USP15: variants seen among roughly 807,000 people sequenced by gnomAD.
The protein encoded by USP15 is ubiquitin specific peptidase 15.
USP15 carries 18 observed loss-of-function variants against 127.1 expected under a neutral mutation model. The ratio of observed to expected loss-of-function variants is 0.14; its 90% CI spans 0.10 to 0.21. USP15 has a LOEUF of 0.21. Among genes scored for constraint, USP15 ranks in the 10% least tolerant of loss-of-function variants. The pLI is 1.00. For synonymous variants in USP15, 364 were observed against 393.7 expected, an observed-to-expected ratio of 0.92 and a Z score of 0.89; for missense variants, 805 against 1,159.9, an observed-to-expected ratio of 0.69 and a Z score of 4.44.
At chr12:62,290,997 G>A (rs2063948771) in intron 1 of USP15, among the ~76,000 whole-genome samples, 1 of 152,018 alleles carries the variant, frequency 6.6e-6, no homozygotes, top group Non-Finnish European at 1.5e-5. Flanking sequence ...TTAGTCTGAT[G>A]GAGTTTCCTT....
intron 7 of USP15, among the ~76,000 whole-genome samples, chr12:62,351,360 C>A (rs2065962320): frequency 6.7e-6 from 1 of 150,196 alleles, no homozygotes; most frequent in African/African-American, 2.5e-5. Context: ...AGTAAACTTA[C>A]CAAAAGTCAT....
chr12:62,375,863 A>T (rs979339119), intron 8 of USP15, among the ~76,000 whole-genome samples: 4 of 152,300 alleles, frequency 2.6e-5, no homozygotes, highest in Non-Finnish European at 5.9e-5. Flanking sequence ...GTCATTTCTC[A>T]CTAAATAATT....
intron 1 of USP15, among the ~76,000 whole-genome samples, chr12:62,278,345 CTAAAA>C (rs1167803857): frequency 1.8e-4 from 28 of 152,188 alleles, no homozygotes; most frequent in Admixed American, 8.5e-4. Context: ...GGAGCACACT[CTAAAA>C]TAACGATTAT....
At chr12:62,303,724 G>T (rs2064392386) in intron 3 of USP15, 1 of 152,032 alleles carries the variant, frequency 6.6e-6, no homozygotes, top group Admixed American at 6.6e-5. Flanking sequence ...CTACAAAGTT[G>T]CCATGTTAAC....
At chr12:62,392,695 G>T (rs545661886) in intron 18 of USP15, among the ~76,000 whole-genome samples, 3 of 152,072 alleles carry the variant, frequency 2.0e-5, no homozygotes, top group Non-Finnish European at 4.4e-5. Context: ...TAGGAAAAAT[G>T]TAGTGATATA....
intron 8 of USP15, among the ~76,000 whole-genome samples, chr12:62,361,981 G>C (rs946606147): frequency 5.9e-5 from 9 of 152,000 alleles, no homozygotes; most frequent in African/African-American, 2.2e-4. Context: ...TGCAGCCTCT[G>C]TTAAGAGTGG....
intron 2 of USP15, among the ~76,000 whole-genome samples, chr12:62,299,662 T>A (rs1012521361): frequency 2.4e-4 from 37 of 152,232 alleles, no homozygotes; most frequent in Admixed American, 2.0e-3. Context: ...TGTGTTTTCC[T>A]TTCTAATGGG....
intron 8 of USP15, among the ~76,000 whole-genome samples, chr12:62,367,231 G>GTTT (rs1555219656): frequency 1.1e-3 from 160 of 151,502 alleles, no homozygotes; most frequent in African/African-American, 3.8e-3. Flanking sequence ...TTGTTTGTTT[G>GTTT]TTTGTTTTTT....
rs1206032006 is a variant in USP15, at chr12:62,404,204, A to G, written c.2775A>G (p.Ala925=). ...CTTTGTTTTGACAGTCCAAAGCAGCATATGTACTCTTCTACCAGAGACAAG... is the reference window on the plus strand; with the variant it reads ...CTTTGTTTTGACAGTCCAAAGCAGCGTATGTACTCTTCTACCAGAGACAAG... The part of the protein sequence containing the change: ...ASEDQIVSKA[A]YVLFYQRQDT... Residue 925 remains alanine (A), a synonymous_variant, in exon 22 of 22, where the codon GCA becomes GCG. Coordinates refer to ENST00000280377, the MANE Select transcript of USP15 (RefSeq NM_001252078.2). 6.2e-7 allele frequency: 1 copy of G among 1,612,428 alleles called. No homozygotes were observed. The highest frequency in any genetic ancestry group is 8.5e-7 in the Non-Finnish European group (1 of 1,179,066).
intron 8 of USP15, among the ~76,000 whole-genome samples, chr12:62,355,813 C>T (rs1198540835): frequency 1.4e-5 from 2 of 139,000 alleles, no homozygotes; most frequent in East Asian, 2.1e-4. Context: ...AAGTCTGTTG[C>T]ACTTTTTTTT....
At chr12:62,363,433 A>G (rs1305429395) in intron 8 of USP15, among the ~76,000 whole-genome samples, 1 of 152,056 alleles carries the variant, frequency 6.6e-6, no homozygotes, top group African/African-American at 2.4e-5. Flanking sequence ...TGCCTGCCTT[A>G]GGGTCTGTGA....
rs569080354 is a variant in USP15, at chr12:62,338,337, T to G, written c.684-10884T>G. Among the ~76,000 whole-genome samples the G allele has an allele frequency of 2.0e-4, 31 of 152,290 alleles. No individual in the cohort carries two copies. The East Asian group carries it at 5.6e-3, about 28-fold the overall frequency. On this transcript the variant is annotated intron_variant, in intron 6 of 21. Coordinates refer to ENST00000280377, the MANE Select transcript of USP15 (RefSeq NM_001252078.2). ...TTTTTGATGGGATTTTTCTTTCTCA[T>G]GTAAATTTGTTTATGTTCCTTGTAG... is the stretch of plus-strand genomic sequence containing the variant.
intron 20 of USP15, among the ~76,000 whole-genome samples, chr12:62,398,928 A>G (rs1434854470): frequency 6.6e-6 from 1 of 152,186 alleles, no homozygotes; most frequent in Non-Finnish European, 1.5e-5. Context: ...AATATTTTGC[A>G]TAATTATACT....
At chr12:62,324,417 TTATATG>T (rs2065072338) in intron 5 of USP15, among the ~76,000 whole-genome samples, 1 of 152,046 alleles carries the variant, frequency 6.6e-6, no homozygotes, top group Non-Finnish European at 1.5e-5. Context: ...ATTGTAAAGT[TTATATG>T]TATATTTATA....
intron 11 of USP15, 25 bp downstream of exon 11, chr12:62,384,327 G>GTTTTT (rs58138194): frequency 3.0e-4 from 315 of 1,057,478 alleles, no homozygotes; most frequent in South Asian, 1.2e-3. Flanking sequence ...GGTTTGTTTT[G>GTTTTT]TTTTTTTTTT....
Position 62,340,339 on chromosome 12 carries a change from G to A in USP15, c.684-8882G>A, listed in dbSNP as rs190690280. ...TTTTTTTCCAAAAAACCAGCTCCTGGATTCGTTTATTTTTATTTTTTGAAG... is the reference window on the plus strand; with the variant it reads ...TTTTTTTCCAAAAAACCAGCTCCTGAATTCGTTTATTTTTATTTTTTGAAG... On this transcript the variant is annotated intron_variant, in intron 6 of 21. Transcript: ENST00000280377. 3.6e-3 allele frequency among the ~76,000 whole-genome samples: 554 copies of A among 152,154 alleles called. 2 individuals carry two copies. The highest frequency in any genetic ancestry group is 6.8e-3 in the Middle Eastern group (2 of 294).
At chr12:62,273,921 T>C (rs1322823616) in intron 1 of USP15, among the ~76,000 whole-genome samples, 1 of 152,196 alleles carries the variant, frequency 6.6e-6, no homozygotes, top group Non-Finnish European at 1.5e-5. Flanking sequence ...CTTCCAGTTC[T>C]ATTTATAGCT....
chr12:62,325,902 G>A lies in USP15; in HGVS notation c.652G>A (p.Gly218Arg). Residue 218 changes from glycine to arginine, a missense_variant, in exon 6 of 22, where the codon GGA (glycine) becomes AGA (arginine). By Grantham distance (125) the Gly-to-Arg change is moderately radical. Transcript: ENST00000280377. ...VLVIEQKNEDGTWPRGPSTPK... is the reference protein window; with the variant it reads ...VLVIEQKNEDRTWPRGPSTPK... ...AGTGATAGAACAGAAAAATGAAGAT[G>A]GAACATGGCCAAGGGGTCCTTCTAC... is the stretch of plus-strand genomic sequence containing the variant. 1.2e-6 allele frequency: 2 copies of A among 1,610,250 alleles called. No individual in the cohort carries two copies. Among genetic ancestry groups the A allele is most frequent in the South Asian group, 1.1e-5 (1 of 90,714 alleles).
rs2064907312 is a variant in USP15, at chr12:62,318,885, C to G, written c.476-2579C>G. On this transcript the variant is annotated intron_variant, in intron 4 of 21. Coordinates refer to ENST00000280377, the MANE Select transcript of USP15 (RefSeq NM_001252078.2). The stretch of plus-strand genomic sequence containing the variant: ...TTCATGTAATCTAGCAGCATATCTT[C>G]TTAGCAATTCCTTCAGAATTTATTC... Among the ~76,000 whole-genome samples, 3 of 152,252 alleles carry G rather than the reference C, an allele frequency of 2.0e-5. No individual in the cohort carries two copies. In the South Asian group the frequency reaches 6.2e-4, roughly 32 times the overall value.
Sources: gnomAD v4.1 joint callset for allele counts (sites outside exome capture counted in the v4.1 genomes callset) on GRCh38, gnomAD v4.1.1 for gene constraint, MANE v1.5 for transcripts, NCBI Gene and HGNC (gene_info 2026-07-23, HGNC 2026-07-21) for gene names.